LYPD6B: variants seen among roughly 807,000 people sequenced by gnomAD.
LYPD6B encodes ly6/PLAUR domain-containing protein 6B.
Under a neutral mutation model 22.8 loss-of-function variants are expected in LYPD6B, and 17 were observed. That is an observed-to-expected ratio of 0.75 (90% confidence interval 0.51 to 1.12). The LOEUF (loss-of-function observed/expected upper bound fraction) is 1.12. LYPD6B is among the 50% of genes most tolerant of loss of function. The pLI is 0.00. For missense variants in LYPD6B, 221 were observed against 258.3 expected (o/e 0.86, Z 0.99); for synonymous variants, 106 against 91.6 (o/e 1.16, Z -0.90).
At chr2:149,160,116 TGTATTCTA>T (rs1418859642) in intron 2 of LYPD6B, among the ~76,000 whole-genome samples, 3 of 152,154 alleles carry the variant, frequency 2.0e-5, no homozygotes, top group South Asian at 4.1e-4. Context: ...ATCATACCAT[TGTATTCTA>T]GCCTGGGCCA....
intron 1 of LYPD6B, among the ~76,000 whole-genome samples, chr2:149,086,154 C>A (rs550058393): frequency 1.1e-4 from 16 of 152,326 alleles, no homozygotes; most frequent in Non-Finnish European, 2.1e-4. Flanking sequence ...TGTACTCCCC[C>A]ACTGCTGTAC....
chr2:149,151,568 A>C (rs1689381163), intron 2 of LYPD6B, among the ~76,000 whole-genome samples: 1 of 152,136 alleles, frequency 6.6e-6, no homozygotes, highest in Admixed American at 6.5e-5. Context: ...CCTTGTTTTC[A>C]ACCTAAGATT....
rs75492986 is a variant in LYPD6B at position 149,095,666 on chromosome 2, G to T, written c.-66-35217G>T. On this transcript the variant is annotated intron_variant, in intron 1 of 6. Transcript: ENST00000409642. Reference sequence around the variant, plus strand: ...TGAGAGAGCACAGGATGGAGCAAGAGATCTCAAGTAAGTGAAAGGGAGAGG... The same window carrying T: ...TGAGAGAGCACAGGATGGAGCAAGATATCTCAAGTAAGTGAAAGGGAGAGG... Among the ~76,000 whole-genome samples, 1,221 of 152,222 alleles carry T rather than the reference G, an allele frequency of 8.0e-3. 13 individuals are homozygous for T. Among genetic ancestry groups the T allele is most frequent in the Non-Finnish European group, 0.014 (964 of 67,996 alleles).
chr2:149,181,526 C>T (rs1170498442), intron 3 of LYPD6B, among the ~76,000 whole-genome samples: 3 of 152,186 alleles, frequency 2.0e-5, no homozygotes, highest in Admixed American at 2.0e-4. Flanking sequence ...CTTTGCCTCC[C>T]ACCTTCCATC....
intron 1 of LYPD6B, among the ~76,000 whole-genome samples, chr2:149,113,220 G>GT (rs1412824313): frequency 6.6e-6 from 1 of 151,816 alleles, no homozygotes; most frequent in Non-Finnish European, 1.5e-5. Flanking sequence ...TTTTTCTATT[G>GT]TCTTTGTGTC....
chr2:149,087,513 C>T (rs536779788), intron 1 of LYPD6B, among the ~76,000 whole-genome samples: 1 of 152,220 alleles, frequency 6.6e-6, no homozygotes, highest in South Asian at 2.1e-4. Context: ...CTGCAGTGAG[C>T]TGTAATTATG....
At chr2:149,180,870 T>C (rs1051347541) in intron 3 of LYPD6B, among the ~76,000 whole-genome samples, 1 of 152,202 alleles carries the variant, frequency 6.6e-6, no homozygotes, top group Admixed American at 6.5e-5. Context: ...CCCAATTTGA[T>C]GTACTTTAAA....
At chr2:149,081,355 T>G (rs1461979615) in intron 1 of LYPD6B, among the ~76,000 whole-genome samples, 1 of 152,250 alleles carries the variant, frequency 6.6e-6, no homozygotes, top group African/African-American at 2.4e-5. Flanking sequence ...TACCACCATT[T>G]CTGAGGTTGT....
intron 1 of LYPD6B, among the ~76,000 whole-genome samples, chr2:149,042,842 G>T (rs1683146951): frequency 6.6e-6 from 1 of 152,116 alleles, no homozygotes; most frequent in African/African-American, 2.4e-5. Flanking sequence ...AAGCAGGTAG[G>T]GTTTTGGGCA....
At chr2:149,087,808 A>G (rs1685468148) in intron 1 of LYPD6B, among the ~76,000 whole-genome samples, 1 of 152,214 alleles carries the variant, frequency 6.6e-6, no homozygotes, top group African/African-American at 2.4e-5. Context: ...TATGCCGTGC[A>G]TCTACTGAAT....
chr2:149,165,191 C>T (rs914173614), intron 3 of LYPD6B, among the ~76,000 whole-genome samples: 2 of 152,110 alleles, frequency 1.3e-5, no homozygotes, highest in African/African-American at 4.8e-5. Context: ...GGCAAGAGGA[C>T]AAGAGCAAAA....
intron 3 of LYPD6B, among the ~76,000 whole-genome samples, chr2:149,177,809 C>A (rs976122177): frequency 1.3e-5 from 2 of 151,110 alleles, no homozygotes; most frequent in Admixed American, 1.3e-4. Context: ...CCTTACACAA[C>A]CTGGCACTGT....
At chr2:149,089,847 T>A (rs573879596) in intron 1 of LYPD6B, among the ~76,000 whole-genome samples, 16 of 152,358 alleles carry the variant, frequency 1.1e-4, no homozygotes, top group Admixed American at 3.3e-4. Context: ...TAAATCTATT[T>A]AAAAATCAAA....
chr2:149,160,043 A>G lies in LYPD6B; in HGVS notation c.6-721A>G, dbSNP rs776154156. On this transcript the variant is annotated intron_variant, in intron 2 of 6. Coordinates refer to ENST00000409642, the MANE Select transcript of LYPD6B (RefSeq NM_177964.5). ...GTGGTACATGCCTGAAGTCCCAACT[A>G]CTCAAGAGGCTAAGATGGGAGGATC... is the stretch of plus-strand genomic sequence containing the variant. Among the ~76,000 whole-genome samples, 58 of 151,966 alleles carry G rather than the reference A, an allele frequency of 3.8e-4. 1 individual carries two copies. The highest frequency in any genetic ancestry group is 6.8e-3 in the Middle Eastern group (2 of 294).
At chr2:149,145,842 T>C (rs1688986540) in intron 2 of LYPD6B, among the ~76,000 whole-genome samples, 2 of 152,212 alleles carry the variant, frequency 1.3e-5, no homozygotes, top group Admixed American at 6.5e-5. Flanking sequence ...AGCAATGCTT[T>C]AAGGAATCTG....
At chr2:149,160,719 A>G in intron 2 of LYPD6B, 45 bp from the exon 3 acceptor site, 1 of 1,338,994 alleles carries the variant, frequency 7.5e-7, no homozygotes, top group South Asian at 1.3e-5. Flanking sequence ...AACGTTACTC[A>G]TCGTCAGCAG....
intron 3 of LYPD6B, among the ~76,000 whole-genome samples, chr2:149,174,536 T>C (rs1474656326): frequency 1.3e-5 from 2 of 152,188 alleles, no homozygotes; most frequent in Non-Finnish European, 2.9e-5. Context: ...TATATGGCTC[T>C]TATTATTTTG....
intron 1 of LYPD6B, among the ~76,000 whole-genome samples, chr2:149,120,363 A>G (rs186507164): frequency 0.011 from 478 of 42,350 alleles, 17 homozygotes; most frequent in Admixed American, 0.078. Flanking sequence ...GTGTGTGTGT[A>G]TATATATATA....
In LYPD6B at chr2:149,116,834, G is replaced by T. The variant is rs6757949; in HGVS notation, c.-66-14049G>T. Among the ~76,000 whole-genome samples, 654 of 152,278 alleles carry T rather than the reference G, an allele frequency of 4.3e-3. 5 individuals are homozygous for T. Among genetic ancestry groups the T allele is most frequent in the African/African-American group, 0.014 (597 of 41,562 alleles). On this transcript the variant is annotated intron_variant, in intron 1 of 6. Coordinates refer to ENST00000409642, the MANE Select transcript of LYPD6B (RefSeq NM_177964.5). ...TAAATGTTTAGTTCTCATCTTCCTT[G>T]ACCTTGTAAACAGGGTTTGGAGCTT...
Sources: gnomAD v4.1 joint callset for allele counts (sites outside exome capture counted in the v4.1 genomes callset) on GRCh38, gnomAD v4.1.1 for gene constraint, MANE v1.5 for transcripts, NCBI Gene and HGNC (gene_info 2026-07-23, HGNC 2026-07-21) for gene names.